The following ENOX1 variants were observed in gnomAD, a reference collection of about 807,000 sequenced individuals.
The protein encoded by ENOX1 is ecto-NOX disulfide-thiol exchanger 1.
A neutral mutation model predicts 82.5 loss-of-function variants in ENOX1; 42 were observed. That is an observed-to-expected ratio of 0.51 (90% confidence interval 0.40 to 0.66). The LOEUF is 0.66. Ranked by LOEUF, ENOX1 falls within the 30% of genes least tolerant of loss-of-function variation. ENOX1 has a pLI of 0.00. For synonymous variants in ENOX1, 271 were observed against 282.2 expected, an observed-to-expected ratio of 0.96 and a Z score of 0.40; for missense variants, 608 against 811.6, an observed-to-expected ratio of 0.75 and a Z score of 3.05.
chr13:43,283,867 ATATAT>A (rs973537622), intron 12 of ENOX1, among the ~76,000 whole-genome samples: 9 of 151,668 alleles, frequency 5.9e-5, no homozygotes, highest in Admixed American at 2.0e-4. Context: ...ACAAGTTTTG[ATATAT>A]TATGTTTTAA....
chr13:43,582,863 G>A (rs552050871), intron 2 of ENOX1, among the ~76,000 whole-genome samples: 1 of 152,246 alleles, frequency 6.6e-6, no homozygotes, highest in East Asian at 1.9e-4. Flanking sequence ...ATGGATAAAG[G>A]AGATAATTTT....
At chr13:43,423,310 G>A (rs1345109210) in intron 3 of ENOX1, among the ~76,000 whole-genome samples, 1 of 152,034 alleles carries the variant, frequency 6.6e-6, no homozygotes, top group African/African-American at 2.4e-5. Context: ...ATCACCGCTA[G>A]ACTTTGCTGG....
intron 8 of ENOX1, among the ~76,000 whole-genome samples, chr13:43,350,730 C>T (rs909559253): frequency 1.3e-5 from 2 of 152,218 alleles, no homozygotes; most frequent in Admixed American, 1.3e-4. Flanking sequence ...CAGGCGTGAG[C>T]CACTACGCCC....
chr13:43,470,366 G>GTATATATATGTATATA (rs71099835), intron 3 of ENOX1, among the ~76,000 whole-genome samples: 4 of 7,188 alleles, frequency 5.6e-4, no homozygotes, highest in African/African-American at 9.7e-4. Context: ...ATATATATAC[G>GTATATATATGTATATA]TATATATATA....
At chr13:43,461,968 G>A (rs1192690999) in intron 3 of ENOX1, among the ~76,000 whole-genome samples, 1 of 152,158 alleles carries the variant, frequency 6.6e-6, no homozygotes, top group East Asian at 1.9e-4. Context: ...AACATACAAA[G>A]CTTGGTCTGT....
At chr13:43,520,503 G>T (rs1479171070) in intron 2 of ENOX1, among the ~76,000 whole-genome samples, 1 of 152,064 alleles carries the variant, frequency 6.6e-6, no homozygotes, top group Non-Finnish European at 1.5e-5. Context: ...CCATATGCAA[G>T]AAACTAGGCT....
At chr13:43,611,480 G>C (rs2082199434) in intron 2 of ENOX1, among the ~76,000 whole-genome samples, 1 of 152,164 alleles carries the variant, frequency 6.6e-6, no homozygotes, top group Non-Finnish European at 1.5e-5. Context: ...GACCCATGTA[G>C]TCTCAAAAGG....
intron 1 of ENOX1, among the ~76,000 whole-genome samples, chr13:43,777,587 G>A (rs1951992877): frequency 6.7e-6 from 1 of 150,014 alleles, no homozygotes; most frequent in East Asian, 2.0e-4. Context: ...CTGTTGCCCA[G>A]GCTGGAGTGC....
At chr13:43,607,919 T>C (rs2082043008) in intron 2 of ENOX1, among the ~76,000 whole-genome samples, 1 of 152,198 alleles carries the variant, frequency 6.6e-6, no homozygotes, top group Non-Finnish European at 1.5e-5. Context: ...GTAATATCTG[T>C]CTAATCCTCT....
At chr13:43,735,591 T>G (rs900640082) in intron 1 of ENOX1, among the ~76,000 whole-genome samples, 3 of 151,910 alleles carry the variant, frequency 2.0e-5, no homozygotes, top group Non-Finnish European at 2.9e-5. Flanking sequence ...CCTGGCAGCG[T>G]GCGCCTGTAG....
Position 43,298,604 on chromosome 13 carries a change from G to A in ENOX1, c.1262-74C>T, listed in dbSNP as rs557663490. ...TTGAGGAGGCCTTCTGTGGGAAAGG[G>A]AGTCTGTCACCCAAGTTCTTAATGT... On this transcript the variant is annotated intron_variant, in intron 11 of 16. Transcript: ENST00000690772. 25 of 1,389,036 alleles carry A rather than the reference G, an allele frequency of 1.8e-5. No homozygotes were observed. The African/African-American group carries it at 3.3e-4, about 18-fold the overall frequency. 86.0% of individuals were successfully genotyped at this position (1,389,036 alleles called of 1,614,324 possible).
In ENOX1 at chr13:43,575,918, T is replaced by C. The variant is rs374943305; in HGVS notation, c.-219+91561A>G. Among the ~76,000 whole-genome samples, 115 of 152,220 alleles carry C rather than the reference T, an allele frequency of 7.6e-4. 1 individual carries two copies. The South Asian group carries it at 0.023, about 30-fold the overall frequency. On this transcript the variant is annotated intron_variant, in intron 2 of 16. Coordinates refer to ENST00000690772, the MANE Select transcript of ENOX1 (RefSeq NM_001347969.2). ...TGGGCAAAGAATATAAGAAACCACA[T>C]CCTAGCAATATGTTGTAATACATAA...
chr13:43,378,362 C>G (rs1045771836), intron 5 of ENOX1, among the ~76,000 whole-genome samples: 16 of 152,284 alleles, frequency 1.1e-4, no homozygotes, highest in Middle Eastern at 3.4e-3. Context: ...GAGAATAGCA[C>G]ACATGTGTGC....
chr13:43,290,584 C>G (rs1593737226), intron 12 of ENOX1, among the ~76,000 whole-genome samples: 1 of 152,234 alleles, frequency 6.6e-6, no homozygotes, highest in East Asian at 1.9e-4. Flanking sequence ...GAGCGACAGA[C>G]ACTGTGGGCT....
At chr13:43,251,407 G>C (rs1593535932) in intron 14 of ENOX1, among the ~76,000 whole-genome samples, 1 of 152,164 alleles carries the variant, frequency 6.6e-6, no homozygotes. Flanking sequence ...ATCATCAATC[G>C]ATGAGTGTTA....
intron 11 of ENOX1, among the ~76,000 whole-genome samples, chr13:43,315,149 A>C (rs905844481): frequency 6.6e-6 from 1 of 152,224 alleles, no homozygotes; most frequent in Admixed American, 6.5e-5. Context: ...ATTCTTCTGT[A>C]ATGTTATAAC....
intron 2 of ENOX1, among the ~76,000 whole-genome samples, chr13:43,541,648 C>T (rs779196324): frequency 1.3e-5 from 2 of 152,188 alleles, no homozygotes; most frequent in African/African-American, 2.4e-5. Flanking sequence ...AAAGTTTCAT[C>T]GTATTGCATT....
At chr13:43,456,151 T>A (rs531224744) in intron 3 of ENOX1, among the ~76,000 whole-genome samples, 15 of 152,052 alleles carry the variant, frequency 9.9e-5, no homozygotes, top group Non-Finnish European at 2.1e-4. Context: ...GTATCTCTCA[T>A]CTTTCTGAAG....
chr13:43,535,109 T>C (rs919439045), intron 2 of ENOX1, among the ~76,000 whole-genome samples: 7 of 152,144 alleles, frequency 4.6e-5, no homozygotes, highest in African/African-American at 1.4e-4. Context: ...AAATAACTCC[T>C]CCACACAATT....
Sources: gnomAD v4.1 joint callset for allele counts (sites outside exome capture counted in the v4.1 genomes callset) on GRCh38, gnomAD v4.1.1 for gene constraint, MANE v1.5 for transcripts, NCBI Gene and HGNC (gene_info 2026-07-23, HGNC 2026-07-21) for gene names.